Variants in MITF observed in about 807,000 individuals in gnomAD.
MITF encodes the protein microphthalmia-associated transcription factor.
MITF carries 17 observed loss-of-function variants against 60.5 expected under a neutral mutation model. The ratio of observed to expected loss-of-function variants is 0.28; its 90% CI spans 0.19 to 0.42. MITF has a LOEUF of 0.42. Among genes scored for constraint, MITF ranks in the 10% least tolerant of loss-of-function variants. MITF has a pLI of 1.00. For synonymous variants in MITF, 260 were observed against 248.5 expected, an observed-to-expected ratio of 1.05 and a Z score of -0.43; for missense variants, 622 against 683.5, an observed-to-expected ratio of 0.91 and a Z score of 1.00.
In MITF at chr3:69,966,601, T is replaced by C. The variant is rs564645262; in HGVS notation, c.*1353T>C. ...AAGAAAGAAATACTGTATTGGGAAG[T>C]TACTGTTACTTGATAACAATGTTTT... On this transcript the variant is annotated 3_prime_UTR_variant, in exon 10 of 10. Coordinates refer to ENST00000352241, the MANE Select transcript of MITF (RefSeq NM_001354604.2). 1.1e-4 allele frequency: 26 copies of C among 233,220 alleles called. No homozygotes were observed. Among genetic ancestry groups the C allele is most frequent in the African/African-American group, 5.7e-4 (26 of 45,460 alleles). 14.4% of individuals were successfully genotyped at this position (233,220 alleles called of 1,614,324 possible).
At chr3:69,850,963 C>A (rs2063814627) in intron 1 of MITF, among the ~76,000 whole-genome samples, 2 of 152,130 alleles carry the variant, frequency 1.3e-5, no homozygotes, top group Non-Finnish European at 2.9e-5. Flanking sequence ...CTGTGCATTG[C>A]AAATGAGTAC....
chr3:69,929,632 A>G (rs1361789523), intron 2 of MITF, among the ~76,000 whole-genome samples: 1 of 152,028 alleles, frequency 6.6e-6, no homozygotes, highest in African/African-American at 2.4e-5. Flanking sequence ...GGGAACCATT[A>G]CAGAGGTGGG....
chr3:69,781,742 T>C (rs1181930995), intron 1 of MITF, among the ~76,000 whole-genome samples: 1 of 152,210 alleles, frequency 6.6e-6, no homozygotes, highest in African/African-American at 2.4e-5. Flanking sequence ...AAGCAGTCCC[T>C]GTACCTCCTA....
At position 69,965,317 on chromosome 3, in the gene MITF, T is replaced by C; in HGVS notation, c.*69T>C. The C allele has an allele frequency of 6.5e-7, 1 of 1,542,128 alleles. No individual in the cohort carries two copies. The highest frequency in any genetic ancestry group is 8.9e-7 in the Non-Finnish European group (1 of 1,123,826). ...TGATTCGTAGATTTAATAACTTACC[T>C]GAAGGGGTTTTCTTGATAATTTTCC... On this transcript the variant is annotated 3_prime_UTR_variant, in exon 10 of 10. Coordinates refer to ENST00000352241, the MANE Select transcript of MITF (RefSeq NM_001354604.2).
intron 2 of MITF, among the ~76,000 whole-genome samples, chr3:69,890,574 G>A (rs2064737802): frequency 1.3e-5 from 2 of 151,968 alleles, no homozygotes; most frequent in South Asian, 4.1e-4. Flanking sequence ...AGGTTTTTTT[G>A]GTGGGGTTTT....
chr3:69,877,675 A>T (rs1021208416), intron 1 of MITF, among the ~76,000 whole-genome samples: 1 of 152,128 alleles, frequency 6.6e-6, no homozygotes, highest in African/African-American at 2.4e-5. Flanking sequence ...TTTTTCTGGG[A>T]TAGCGTGAGG....
At chr3:69,761,802 T>TATAA (rs2062216229) in intron 1 of MITF, among the ~76,000 whole-genome samples, 1 of 152,222 alleles carries the variant, frequency 6.6e-6, no homozygotes, top group Non-Finnish European at 1.5e-5. Context: ...GGGTGTGGTA[T>TATAA]ATAAGTAAGT....
At chr3:69,945,115 C>A (rs1427579019) in intron 5 of MITF, among the ~76,000 whole-genome samples, 3 of 152,114 alleles carry the variant, frequency 2.0e-5, no homozygotes, top group Non-Finnish European at 4.4e-5. Context: ...ATAAAAGTCC[C>A]AGTTTACTTG....
At chr3:69,757,997 ATGTG>A (rs60250386) in intron 1 of MITF, among the ~76,000 whole-genome samples, 3,183 of 115,956 alleles carry the variant, frequency 0.027, 61 homozygotes, top group African/African-American at 0.063. Flanking sequence ...ACCCTAGGGC[ATGTG>A]TGTGTGTGTG....
intron 1 of MITF, among the ~76,000 whole-genome samples, chr3:69,807,826 A>G (rs1173498214): frequency 6.6e-6 from 1 of 152,186 alleles, no homozygotes. Flanking sequence ...AGTGTAGCAT[A>G]GTTGGTAACT....
intron 6 of MITF, among the ~76,000 whole-genome samples, chr3:69,949,877 T>C (rs1416624055): frequency 6.6e-6 from 1 of 152,162 alleles, no homozygotes; most frequent in African/African-American, 2.4e-5. Context: ...CTCTTTTTAT[T>C]ATTTGATCCT....
At chr3:69,821,709 A>G (rs1207956173) in intron 1 of MITF, among the ~76,000 whole-genome samples, 1 of 150,744 alleles carries the variant, frequency 6.6e-6, no homozygotes, top group Non-Finnish European at 1.5e-5. Context: ...AAAAAAAAGC[A>G]AAAGTTCAAA....
intron 1 of MITF, among the ~76,000 whole-genome samples, chr3:69,816,729 C>G (rs564799995): frequency 6.6e-6 from 1 of 152,094 alleles, no homozygotes; most frequent in African/African-American, 2.4e-5. Context: ...GGTTTATGAG[C>G]ATTATTTGTG....
chr3:69,820,728 A>G (rs1198556937), intron 1 of MITF, among the ~76,000 whole-genome samples: 6 of 152,186 alleles, frequency 3.9e-5, no homozygotes, highest in African/African-American at 9.7e-5. Flanking sequence ...GTTGTAATCA[A>G]TCATTATAGA....
rs527915195 is a variant in MITF at position 69,847,441 on chromosome 3, A to C, written c.105-31693A>C. 9.9e-5 allele frequency among the ~76,000 whole-genome samples: 15 copies of C among 152,274 alleles called. No individual in the cohort carries two copies. The South Asian group carries it at 1.7e-3, about 17-fold the overall frequency. On this transcript the variant is annotated intron_variant, in intron 1 of 9. Coordinates refer to ENST00000352241, the MANE Select transcript of MITF (RefSeq NM_001354604.2). ...AGGCCAGACCTAGTGGTAATGTCTT[A>C]TTTGCATAACTCATTTAGTTATTAT... is the stretch of plus-strand genomic sequence containing the variant.
At chr3:69,938,773 G>A in intron 3 of MITF, 6 of 1,335,914 alleles carry the variant, frequency 4.5e-6, no homozygotes, top group Non-Finnish European at 5.8e-6. Context: ...ATCTCAATGG[G>A]ATTTACCGTA....
intron 2 of MITF, among the ~76,000 whole-genome samples, chr3:69,895,031 C>G (rs1575904905): frequency 6.7e-6 from 1 of 150,192 alleles, no homozygotes; most frequent in Non-Finnish European, 1.5e-5. Flanking sequence ...GTAGGTCTCC[C>G]CATCTGAGTC....
chr3:69,750,685 G>A (rs752764779), intron 1 of MITF, among the ~76,000 whole-genome samples: 35 of 151,960 alleles, frequency 2.3e-4, no homozygotes, highest in Non-Finnish European at 4.0e-4. Context: ...TGGTAGGTCT[G>A]GAGTAGGGTC....
chr3:69,865,806 T>G (rs886797022), intron 1 of MITF, among the ~76,000 whole-genome samples: 1 of 152,150 alleles, frequency 6.6e-6, no homozygotes, highest in Non-Finnish European at 1.5e-5. Flanking sequence ...GTGTGATGAG[T>G]TGATGCCCGA....
Sources: allele counts gnomAD v4.1 joint callset (sites outside exome capture counted in the v4.1 genomes callset), GRCh38; gene constraint gnomAD v4.1.1; transcripts MANE v1.5; gene names NCBI Gene and HGNC (gene_info 2026-07-23, HGNC 2026-07-21).